Variants in ADAMTS17 observed in about 807,000 individuals in gnomAD.
ADAMTS17 encodes the protein ADAM metallopeptidase with thrombospondin type 1 motif 17.
A neutral mutation model predicts 141.5 loss-of-function variants in ADAMTS17; 113 were observed. The ratio of observed to expected loss-of-function variants is 0.80; its 90% CI spans 0.69 to 0.93. ADAMTS17 has a LOEUF of 0.93. ADAMTS17 is among the 40% of genes least tolerant of loss of function. The pLI is 0.00. For missense variants in ADAMTS17, 1,659 were observed against 1,517.9 expected (o/e 1.09, Z -1.54); for synonymous variants, 768 against 630.6 (o/e 1.22, Z -3.27).
intron 7 of ADAMTS17, among the ~76,000 whole-genome samples, chr15:100,219,078 T>C (rs75672493): frequency 0.05 from 7,658 of 152,134 alleles, 445 homozygotes; most frequent in African/African-American, 0.14. Flanking sequence ...ATGCCAAAAA[T>C]GAAAAGAGCC....
chr15:99,982,411 T>A (rs1226776946), intron 20 of ADAMTS17, among the ~76,000 whole-genome samples: 1 of 152,174 alleles, frequency 6.6e-6, no homozygotes, highest in Non-Finnish European at 1.5e-5. Flanking sequence ...AATTAGAGGC[T>A]GTTTTGGCCC....
chr15:100,098,685 G>A (rs2035915257), intron 14 of ADAMTS17, among the ~76,000 whole-genome samples: 1 of 152,030 alleles, frequency 6.6e-6, no homozygotes, highest in African/African-American at 2.4e-5. Context: ...AATTATAAGG[G>A]CTAAGAATAA....
intron 3 of ADAMTS17, among the ~76,000 whole-genome samples, chr15:100,305,077 G>A (rs1298393162): frequency 6.6e-6 from 1 of 152,104 alleles, no homozygotes; most frequent in Non-Finnish European, 1.5e-5. Context: ...AGTTTCTGGA[G>A]AGTCAAAAGT....
At chr15:100,276,901 G>A (rs771722543) in intron 4 of ADAMTS17, among the ~76,000 whole-genome samples, 14 of 152,176 alleles carry the variant, frequency 9.2e-5, no homozygotes, top group Non-Finnish European at 1.3e-4. Context: ...TTGAGAAAGG[G>A]GGGTGCTGGT....
At chr15:100,265,966 G>A (rs2043701098) in intron 4 of ADAMTS17, among the ~76,000 whole-genome samples, 1 of 152,308 alleles carries the variant, frequency 6.6e-6, no homozygotes, top group Non-Finnish European at 1.5e-5. Context: ...CCACCGGAGT[G>A]TGGGAACCAG....
Position 100,331,017 on chromosome 15 carries a change from A to T in ADAMTS17, c.488T>A (p.Ile163Asn). The change falls in exon 3 of 22, where the codon ATC (isoleucine) becomes AAC (asparagine). Residue 163 changes from isoleucine (I) to asparagine (N), a missense_variant. By Grantham distance (149) the Ile-to-Asn change is moderately radical. Coordinates refer to ENST00000268070, the MANE Select transcript of ADAMTS17 (RefSeq NM_139057.4). ...GCCCTGGGAGTTGTTGAGGGGCTGG[A>T]TTAGCACCTGCTCCTGCCCAAGCTG... Reference protein sequence around the residue: ...LIQLGQEQVLIQPLNNSQGPF... With the variant: ...LIQLGQEQVLNQPLNNSQGPF... 6.2e-7 allele frequency: 1 copy of T among 1,614,114 alleles called. No individual in the cohort carries two copies.
chr15:100,205,166 G>T (rs1361608432), intron 7 of ADAMTS17, among the ~76,000 whole-genome samples: 1 of 152,170 alleles, frequency 6.6e-6, no homozygotes, highest in African/African-American at 2.4e-5. Context: ...GACTTCAGGA[G>T]GAGATGCTGT....
chr15:100,018,360 G>A (rs535197446), intron 18 of ADAMTS17, among the ~76,000 whole-genome samples: 4 of 152,264 alleles, frequency 2.6e-5, no homozygotes, highest in African/African-American at 7.2e-5. Flanking sequence ...AATATCTCCC[G>A]ATATGGGTTG....
intron 21 of ADAMTS17, among the ~76,000 whole-genome samples, chr15:99,975,326 C>T (rs565617305): frequency 2.0e-5 from 3 of 152,228 alleles, no homozygotes; most frequent in Non-Finnish European, 4.4e-5. Context: ...TCTCCTGCCT[C>T]AGTCACCTGA....
At position 99,993,237 on chromosome 15, in the gene ADAMTS17, A is replaced by G. The variant is rs768447939; in HGVS notation, c.2797-37T>C. Reference sequence around the variant, plus strand: ...CATTCAAATATTTAACCGAGTTCCAATTCGATTCAAGTCCATCAACAGCTA... The same window carrying G: ...CATTCAAATATTTAACCGAGTTCCAGTTCGATTCAAGTCCATCAACAGCTA... On this transcript the variant is annotated intron_variant, in intron 19 of 21. Transcript: ENST00000268070. This position sits in a 1 kb window ranked among gnomAD's most constrained non-coding sequence, Gnocchi z 4.3. 1.4e-5 allele frequency: 23 copies of G among 1,613,502 alleles called. No individual in the cohort carries two copies. The South Asian group carries it at 2.1e-4, about 15-fold the overall frequency.
chr15:100,165,967 T>C (rs1432981226), intron 8 of ADAMTS17, among the ~76,000 whole-genome samples: 1 of 152,214 alleles, frequency 6.6e-6, no homozygotes, highest in Non-Finnish European at 1.5e-5. Context: ...TGTCAAATTC[T>C]ATAAAAAGTC....
chr15:100,127,971 T>A (rs1282384624), intron 12 of ADAMTS17, among the ~76,000 whole-genome samples: 1 of 151,884 alleles, frequency 6.6e-6, no homozygotes, highest in Non-Finnish European at 1.5e-5. Flanking sequence ...CCTACATAAA[T>A]GCCTAAGGGA....
chr15:100,003,490 A>C (rs2060971986), intron 18 of ADAMTS17, among the ~76,000 whole-genome samples: 1 of 152,056 alleles, frequency 6.6e-6, no homozygotes, highest in African/African-American at 2.4e-5. Flanking sequence ...TGTTTTACTC[A>C]GTTTTAAACT....
rs779804809 is a variant in ADAMTS17, at chr15:100,109,002, T to C, written c.2003A>G (p.His668Arg). 9 of 1,614,034 alleles carry C rather than the reference T, an allele frequency of 5.6e-6. No homozygotes were observed. Among genetic ancestry groups the C allele is most frequent in the Non-Finnish European group, 7.6e-6 (9 of 1,180,038 alleles). ...GAAGTACGTCACCTGGCACTTGCCG[T>C]GCACGCAGAGATCAGTCTCGTAGGG... The part of the protein sequence containing the change: ...CGPYETDLCV[H>R]GKCQKIGCDG... Residue 668 changes from histidine to arginine, a missense_variant, in exon 14 of 22, where the codon CAC (histidine) becomes CGC (arginine). Coordinates refer to ENST00000268070, the MANE Select transcript of ADAMTS17 (RefSeq NM_139057.4).
At chr15:100,006,321 A>ATTCC (rs2061035612) in intron 18 of ADAMTS17, among the ~76,000 whole-genome samples, 1 of 152,120 alleles carries the variant, frequency 6.6e-6, no homozygotes, top group Non-Finnish European at 1.5e-5. Flanking sequence ...TGCCAACCAC[A>ATTCC]CACTCACTGC....
At chr15:100,248,711 G>T (rs951827546) in intron 7 of ADAMTS17, among the ~76,000 whole-genome samples, 5 of 152,168 alleles carry the variant, frequency 3.3e-5, no homozygotes, top group Non-Finnish European at 5.9e-5. Flanking sequence ...ATTCCCAAGG[G>T]GGTCATCCTT....
chr15:100,133,319 C>T lies in ADAMTS17; in HGVS notation c.1474-4G>A. The T allele has an allele frequency of 1.3e-6, 2 of 1,576,686 alleles. No homozygotes were observed. Among genetic ancestry groups the T allele is most frequent in the Non-Finnish European group, 1.7e-6 (2 of 1,158,198 alleles). On this transcript the variant is annotated splice_region_variant and splice_polypyrimidine_tract_variant and intron_variant, in intron 10 of 21. Transcript: ENST00000268070. Reference sequence around the variant, plus strand: ...ACAGTCCAGCACACATTAGATGCTGCAGGACAAGGGAAGGAACCATAATTG... The same window carrying T: ...ACAGTCCAGCACACATTAGATGCTGTAGGACAAGGGAAGGAACCATAATTG...
At chr15:100,101,374 C>T (rs2036089273) in intron 14 of ADAMTS17, among the ~76,000 whole-genome samples, 1 of 152,224 alleles carries the variant, frequency 6.6e-6, no homozygotes, top group East Asian at 1.9e-4. Flanking sequence ...GGTCCTGCTC[C>T]CTAATGAAAG....
chr15:100,023,368 AT>A (rs200151907), intron 18 of ADAMTS17, among the ~76,000 whole-genome samples: 3,953 of 146,166 alleles, frequency 0.027, 187 homozygotes, highest in African/African-American at 0.092. Flanking sequence ...CGCAGGGCTA[AT>A]TTTTTTTTTT....
Sources: gnomAD v4.1 joint callset for allele counts (sites outside exome capture counted in the v4.1 genomes callset) on GRCh38, gnomAD v4.1.1 for gene constraint, Gnocchi (gnomAD v3.1) non-coding constraint, MANE v1.5 for transcripts, NCBI Gene and HGNC (gene_info 2026-07-23, HGNC 2026-07-21) for gene names.